The following ELMOD3 variants were observed in gnomAD, a reference collection of about 807,000 sequenced individuals.
ELMOD3 encodes ELMO domain-containing protein 3.
A neutral mutation model predicts 47.4 loss-of-function variants in ELMOD3; 36 were observed. That is an observed-to-expected ratio of 0.76 (90% CI 0.58 to 1.00). The LOEUF is 1.00. Among genes scored for constraint, ELMOD3 ranks in the 50% least tolerant of loss-of-function variants. The probability of loss-of-function intolerance (pLI) is 0.00; values close to 1 mark genes in which losing one functional copy is unlikely to be tolerated. For synonymous variants in ELMOD3, 149 were observed against 183.5 expected (o/e 0.81, Z 1.52); for missense variants, 404 against 463.8 (o/e 0.87, Z 1.18).
At chr2:85,369,470 G>C (rs553817627) in intron 7 of ELMOD3, among the ~76,000 whole-genome samples, 4 of 152,320 alleles carry the variant, frequency 2.6e-5, no homozygotes, top group Non-Finnish European at 2.9e-5. Flanking sequence ...TCGTAGATGA[G>C]AGCATTTAGG....
intron 6 of ELMOD3, among the ~76,000 whole-genome samples, chr2:85,364,825 A>ATATATATATATATAT (rs375582916): frequency 2.9e-5 from 2 of 69,892 alleles, no homozygotes; most frequent in East Asian, 3.3e-4. Flanking sequence ...ATATATATAT[A>ATATATATATATATAT]TTTTTTTTTT....
rs372910890 is a variant in ELMOD3 at position 85,371,578 on chromosome 2, A to G, written c.607+16A>G. The G allele has an allele frequency of 1.2e-6, 2 of 1,613,746 alleles. No homozygotes were observed. The highest frequency in any genetic ancestry group is 1.7e-6 in the Non-Finnish European group (2 of 1,179,882). Reference sequence around the variant, plus strand: ...GGCTTTCAGGGTAAGAGGGAGGAGTAGCTCATCTTCTTTTTCATGCCTCTG... The same window carrying G: ...GGCTTTCAGGGTAAGAGGGAGGAGTGGCTCATCTTCTTTTTCATGCCTCTG... On this transcript the variant is annotated intron_variant, in intron 10 of 13. Transcript: ENST00000409013.
intron 5 of ELMOD3, among the ~76,000 whole-genome samples, chr2:85,362,574 A>G (rs970555580): frequency 5.9e-5 from 9 of 152,194 alleles, no homozygotes; most frequent in African/African-American, 1.2e-4. Flanking sequence ...CTTGTCCCCA[A>G]CATCACCCAA....
At chr2:85,374,207 A>G (rs1383472937) in intron 10 of ELMOD3, among the ~76,000 whole-genome samples, 1 of 151,950 alleles carries the variant, frequency 6.6e-6, no homozygotes, top group Non-Finnish European at 1.5e-5. Flanking sequence ...TCTGCTTTCA[A>G]AATATTTTTT....
chr2:85,364,825 A>ATATATATATTT (rs375582916), intron 6 of ELMOD3, among the ~76,000 whole-genome samples: 10 of 69,898 alleles, frequency 1.4e-4, no homozygotes, highest in African/African-American at 5.3e-4. Context: ...ATATATATAT[A>ATATATATATTT]TTTTTTTTTT....
intron 11 of ELMOD3, among the ~76,000 whole-genome samples, chr2:85,378,497 G>A (rs983256199): frequency 6.6e-6 from 1 of 152,164 alleles, no homozygotes; most frequent in Non-Finnish European, 1.5e-5. Context: ...CCAGAAAGGC[G>A]GGACAACTAG....
intron 8 of ELMOD3, among the ~76,000 whole-genome samples, chr2:85,370,668 C>T (rs1374962484): frequency 1.3e-5 from 2 of 152,126 alleles, no homozygotes; most frequent in Admixed American, 6.5e-5. Context: ...CTGGTTGTGA[C>T]CAAAAGATTC....
chr2:85,382,000 C>CTGAGG (rs1685572441), intron 11 of ELMOD3, among the ~76,000 whole-genome samples: 1 of 149,488 alleles, frequency 6.7e-6, no homozygotes, highest in Non-Finnish European at 1.5e-5. Context: ...GCCTGTAATC[C>CTGAGG]CAGCTACTCG....
intron 6 of ELMOD3, among the ~76,000 whole-genome samples, chr2:85,367,392 G>A (rs1684461863): frequency 6.6e-6 from 1 of 152,144 alleles, no homozygotes; most frequent in Admixed American, 6.6e-5. Flanking sequence ...TTCCAGCAGA[G>A]GGAGAGCAGT....
intron 13 of ELMOD3, 143 bp from the exon 14 acceptor site, chr2:85,390,617 T>A: frequency 6.6e-7 from 1 of 1,512,308 alleles, no homozygotes; most frequent in Admixed American, 2.3e-5. Context: ...TCTCTGGTGA[T>A]CTCTCCATCT....
In ELMOD3 at chr2:85,371,139, C is replaced by T. The variant is rs762203882; in HGVS notation, c.414C>T (p.Tyr138=). 8.7e-6 allele frequency: 14 copies of T among 1,614,124 alleles called. No homozygotes were observed. The highest frequency in any genetic ancestry group is 2.2e-5 in the East Asian group (1 of 44,902). Residue 138 remains tyrosine, a synonymous_variant, in exon 9 of 14, where the codon TAC becomes TAT. Coordinates refer to ENST00000409013, the MANE Select transcript of ELMOD3 (RefSeq NM_001135022.2). ...RRTGLAALRH[Y]LFGPPKLHQR... ...CTGGGCTCGCCGCCCTCCGACACTA[C>T]CTCTTCGGGCCTCCAAAGCTCCACC...
At position 85,390,953 on chromosome 2, in the gene ELMOD3, G is replaced by T. The variant is rs1686309877; in HGVS notation, c.1137G>T (p.Trp379Cys). ...DLQSHSSEGV[W>C]LI is the part of the protein sequence containing the mutation. ...AGTCTCACTCATCCGAAGGCGTATG[G>T]CTGATCTGACCTCCGAGATGAATGG... is the stretch of plus-strand genomic sequence containing the variant. The change falls in exon 14 of 14, where the codon TGG becomes TGT. Residue 379 changes from tryptophan to cysteine, a missense_variant. Coordinates refer to ENST00000409013, the MANE Select transcript of ELMOD3 (RefSeq NM_001135022.2). The T allele has an allele frequency of 4.5e-6, 7 of 1,551,212 alleles. No individual in the cohort carries two copies. Among genetic ancestry groups the T allele is most frequent in the Non-Finnish European group, 5.2e-6 (6 of 1,146,626 alleles).
At chr2:85,357,481 G>T in intron 4 of ELMOD3, 1 of 377,464 alleles carries the variant, frequency 2.6e-6, no homozygotes, top group Non-Finnish European at 4.7e-6. Context: ...TGGGTAGTGG[G>T]GAGAATTTCA....
chr2:85,365,359 T>A (rs929118148), intron 6 of ELMOD3, among the ~76,000 whole-genome samples: 23 of 150,098 alleles, frequency 1.5e-4, no homozygotes, highest in South Asian at 8.4e-4. Context: ...CAAAAAAAAA[T>A]ATATATATAA....
chr2:85,375,483 CA>C (rs1378818835), intron 10 of ELMOD3, among the ~76,000 whole-genome samples: 1 of 152,162 alleles, frequency 6.6e-6, no homozygotes, highest in Non-Finnish European at 1.5e-5. Context: ...TGACCCCATC[CA>C]GAGAGTTTTT....
intron 6 of ELMOD3, among the ~76,000 whole-genome samples, chr2:85,366,124 A>ATTTTTTTTTTT (rs566714087): frequency 1.5e-5 from 2 of 135,608 alleles, no homozygotes; most frequent in Non-Finnish European, 3.2e-5. Flanking sequence ...TACCCAGCTA[A>ATTTTTTTTTTT]TTTTTTTTTT....
chr2:85,377,552 A>G lies in ELMOD3; in HGVS notation c.738+78A>G. 2.0e-6 allele frequency: 3 copies of G among 1,464,858 alleles called. No homozygotes were observed. In the South Asian group the frequency reaches 4.2e-5, roughly 21 times the overall value. The allele number at this position is 1,464,858 out of a possible 1,614,324, so 90.7% of individuals were successfully genotyped here. On this transcript the variant is annotated intron_variant, in intron 11 of 13. Transcript: ENST00000409013. Reference sequence around the variant, plus strand: ...CTGAGTGGCCGAGAGGGCTCCCAGGACAGCTGAGATAAACCAGGAATGGGC... The same window carrying G: ...CTGAGTGGCCGAGAGGGCTCCCAGGGCAGCTGAGATAAACCAGGAATGGGC...
chr2:85,387,250 TG>T, intron 11 of ELMOD3: 1 of 1,146,916 alleles, frequency 8.7e-7, no homozygotes, highest in Admixed American at 4.0e-5. Flanking sequence ...GACGAACATT[TG>T]TTAATACCTA....
chr2:85,389,435 C>G, intron 11 of ELMOD3: 1 of 388,362 alleles, frequency 2.6e-6, no homozygotes, highest in Non-Finnish European at 4.7e-6. Context: ...CTGCTGCAGG[C>G]CAAGGAGAGC....
Sources: allele counts gnomAD v4.1 joint callset (sites outside exome capture counted in the v4.1 genomes callset), GRCh38; gene constraint gnomAD v4.1.1; transcripts MANE v1.5; gene names NCBI Gene and HGNC (gene_info 2026-07-23, HGNC 2026-07-21).